Variants in NXPE4 observed in about 807,000 individuals in gnomAD.
NXPE4 encodes the protein NXPE family member 4.
A neutral mutation model predicts 33.3 loss-of-function variants in NXPE4; 42 were observed. The ratio of observed to expected loss-of-function variants is 1.26; its 90% CI spans 0.98 to 1.63. The LOEUF is 1.63. Ranked by LOEUF, NXPE4 falls within the 40% of genes most tolerant of loss-of-function variation. NXPE4 has a pLI of 0.00. For synonymous variants in NXPE4, 253 were observed against 234.9 expected, an observed-to-expected ratio of 1.08 and a Z score of -0.71; for missense variants, 709 against 647.6, an observed-to-expected ratio of 1.09 and a Z score of -1.03.
chr11:114,662,990 G>A, the NXPE4 span, among the ~76,000 whole-genome samples: 2 of 152,156 alleles, frequency 1.3e-5, no homozygotes, highest in Non-Finnish European at 2.9e-5. Context: ...GCAACAAGCA[G>A]CCTCTTGAGG....
the NXPE4 span, among the ~76,000 whole-genome samples, chr11:114,635,656 TGA>T: frequency 2.6e-5 from 4 of 152,030 alleles, no homozygotes; most frequent in African/African-American, 9.6e-5. Context: ...CCTAATTTAT[TGA>T]GAGTTTTTAG....
the NXPE4 span, among the ~76,000 whole-genome samples, chr11:114,640,195 A>G: frequency 7.5e-6 from 1 of 134,012 alleles, no homozygotes; most frequent in Non-Finnish European, 1.5e-5. Flanking sequence ...TATATAATTT[A>G]TATATATTAT....
the NXPE4 span, among the ~76,000 whole-genome samples, chr11:114,666,367 C>T: frequency 2.6e-5 from 4 of 151,968 alleles, no homozygotes; most frequent in African/African-American, 9.7e-5. Flanking sequence ...ATAATTACCC[C>T]AATTTGGGGA....
At chr11:114,625,493 G>A in the NXPE4 span, among the ~76,000 whole-genome samples, 81 of 152,000 alleles carry the variant, frequency 5.3e-4, no homozygotes, top group African/African-American at 1.8e-3. Flanking sequence ...GTATGGCCTC[G>A]TGGGTAACCA....
At chr11:114,658,097 C>T in the NXPE4 span, among the ~76,000 whole-genome samples, 2 of 152,274 alleles carry the variant, frequency 1.3e-5, no homozygotes, top group East Asian at 3.9e-4. Context: ...GAGGCATCAT[C>T]AATCCCGTCA....
chr11:114,607,143 G>T, the NXPE4 span, among the ~76,000 whole-genome samples: 1 of 151,944 alleles, frequency 6.6e-6, no homozygotes, highest in Non-Finnish European at 1.5e-5. Context: ...TGCCTCTTGG[G>T]TAACCAGTAT....
At chr11:114,592,709 C>G (rs1395994104) in intron 2 of NXPE4, among the ~76,000 whole-genome samples, 2 of 152,044 alleles carry the variant, frequency 1.3e-5, no homozygotes, top group Non-Finnish European at 2.9e-5. Context: ...CAAAGAAGAT[C>G]CAGAATAGCC....
chr11:114,632,981 TA>T, the NXPE4 span, among the ~76,000 whole-genome samples: 1 of 104,376 alleles, frequency 9.6e-6, no homozygotes, highest in Non-Finnish European at 1.7e-5. Context: ...ATATATTATA[TA>T]TTTTTATATA....
the NXPE4 span, among the ~76,000 whole-genome samples, chr11:114,655,503 A>G: frequency 1.3e-4 from 20 of 152,264 alleles, no homozygotes; most frequent in Admixed American, 9.8e-4. Flanking sequence ...ATTTTTGTAT[A>G]AGGTGTAAGG....
rs1285941296 is a variant in NXPE4 at position 114,571,359 on chromosome 11, G to C, written c.1214C>G (p.Ser405Ter). The C allele has an allele frequency of 6.2e-7, 1 of 1,613,978 alleles. No homozygotes were observed. Among genetic ancestry groups the C allele is most frequent in the South Asian group, 1.1e-5 (1 of 91,080 alleles). ...CATCTCTTTGACTGAATAGGTCATT[G>C]ATCCTATCAAGGGATAACAATATTT... ...WQKYCYPLIGSMTYSVKEMEY... is the reference protein window; with the variant it reads ...WQKYCYPLIG Residue 405 changes from serine (S) to a stop codon, truncating the protein, a stop_gained, in exon 6 of 6, where the codon TCA becomes TGA. Transcript: ENST00000375478. LOFTEE classifies it low-confidence loss of function (END_TRUNC).
intron 2 of NXPE4, chr11:114,584,574 A>C (rs182949825): frequency 6.0e-6 from 1 of 165,586 alleles, no homozygotes; most frequent in African/African-American, 2.4e-5. Flanking sequence ...CAAAAAAGCC[A>C]AGAGGATTAA....
At chr11:114,644,839 G>T in the NXPE4 span, among the ~76,000 whole-genome samples, 1 of 151,720 alleles carries the variant, frequency 6.6e-6, no homozygotes, top group Non-Finnish European at 1.5e-5. Context: ...AAAAAAAACT[G>T]TAATTAAGAC....
the NXPE4 span, among the ~76,000 whole-genome samples, chr11:114,656,419 G>A: frequency 4.6e-5 from 7 of 152,042 alleles, no homozygotes; most frequent in African/African-American, 1.4e-4. Flanking sequence ...CACAGAATTA[G>A]AAAAAACTAT....
At chr11:114,635,705 T>A in the NXPE4 span, among the ~76,000 whole-genome samples, 2 of 152,008 alleles carry the variant, frequency 1.3e-5, no homozygotes, top group South Asian at 2.1e-4. Context: ...AGGCCTTTTC[T>A]GCATCTATTG....
At chr11:114,576,805 T>A (rs1949003111) in intron 5 of NXPE4, among the ~76,000 whole-genome samples, 1 of 151,514 alleles carries the variant, frequency 6.6e-6, no homozygotes, top group African/African-American at 2.4e-5. Context: ...TAAAAACAGA[T>A]CTACCATTTG....
chr11:114,643,847 T>C, the NXPE4 span, among the ~76,000 whole-genome samples: 5 of 152,250 alleles, frequency 3.3e-5, no homozygotes, highest in African/African-American at 9.6e-5. Context: ...TATAAATTAC[T>C]TTAGGCAGAA....
At chr11:114,584,573 C>G (rs1300492672) in intron 2 of NXPE4, 1 of 164,124 alleles carries the variant, frequency 6.1e-6, no homozygotes, top group African/African-American at 2.4e-5. Context: ...TCAAAAAAGC[C>G]AAGAGGATTA....
At chr11:114,609,665 C>G in the NXPE4 span, among the ~76,000 whole-genome samples, 2 of 150,618 alleles carry the variant, frequency 1.3e-5, no homozygotes, top group Non-Finnish European at 3.0e-5. Flanking sequence ...ACGACTATTA[C>G]CCAGTGGATA....
the NXPE4 span, among the ~76,000 whole-genome samples, chr11:114,641,764 C>G: frequency 1.3e-5 from 2 of 151,912 alleles, no homozygotes; most frequent in Non-Finnish European, 2.9e-5. Context: ...TACATTTGAT[C>G]AAGGGGAAAA....
Sources: gnomAD v4.1 joint callset for allele counts (sites outside exome capture counted in the v4.1 genomes callset) on GRCh38, gnomAD v4.1.1 for gene constraint, MANE v1.5 for transcripts, NCBI Gene and HGNC (gene_info 2026-07-23, HGNC 2026-07-21) for gene names.